The following RFX6 variants were observed in gnomAD, a reference collection of about 807,000 sequenced individuals.
RFX6 encodes regulatory factor X6, also known as DNA-binding protein RFX6.
RFX6 carries 50 observed loss-of-function variants against 110.8 expected under a neutral mutation model. That is an observed-to-expected ratio of 0.45 (90% CI 0.36 to 0.57). The LOEUF (loss-of-function observed/expected upper bound fraction) is 0.57. Among genes scored for constraint, RFX6 ranks in the 20% least tolerant of loss-of-function variants. The pLI, the probability that RFX6 is intolerant of heterozygous loss-of-function variation, is 0.00. For synonymous variants in RFX6, 383 were observed against 411.2 expected (o/e 0.93, Z 0.83); for missense variants, 990 against 1,127.0 (o/e 0.88, Z 1.74).
At chr6:116,899,991 A>C (rs1158611003) in intron 6 of RFX6, among the ~76,000 whole-genome samples, 1 of 152,242 alleles carries the variant, frequency 6.6e-6, no homozygotes, top group Non-Finnish European at 1.5e-5. Context: ...ATGCGAATAG[A>C]TGATTCACAG....
At position 116,924,670 on chromosome 6, in the gene RFX6, T is replaced by C. The variant is rs992920433; in HGVS notation, c.1557T>C (p.Gly519=). Residue 519 remains glycine (G), a splice_region_variant and synonymous_variant, in exon 15 of 19, where the codon GGT becomes GGC. Coordinates refer to ENST00000332958, the MANE Select transcript of RFX6 (RefSeq NM_173560.4). ...NLTLNNASSF[G]SFHLIRMLLD... ...CCTCATTCTCCATCCATAAACAAGG[T>C]TCTTTTCATTTGATTCGAATGCTTC... The C allele has an allele frequency of 6.2e-7, 1 of 1,610,468 alleles. No homozygotes were observed. Among genetic ancestry groups the C allele is most frequent in the African/African-American group, 1.3e-5 (1 of 74,820 alleles).
intron 18 of RFX6, among the ~76,000 whole-genome samples, chr6:116,930,143 A>C (rs1775852743): frequency 6.6e-6 from 1 of 152,226 alleles, no homozygotes; most frequent in African/African-American, 2.4e-5. Flanking sequence ...GGTGGAGTCT[A>C]AGCTTTAGTT....
chr6:116,894,201 A>G (rs1199186241), intron 5 of RFX6, 137 bp downstream of exon 5: 6 of 672,838 alleles, frequency 8.9e-6, no homozygotes, highest in East Asian at 8.3e-5. Flanking sequence ...TCCGCTTTGT[A>G]TGGATGATTA....
chr6:116,885,400 T>G (rs1007682110), intron 4 of RFX6, among the ~76,000 whole-genome samples: 2 of 152,110 alleles, frequency 1.3e-5, no homozygotes, highest in African/African-American at 4.8e-5. Flanking sequence ...TGCACTACAA[T>G]TAGAAGTTAT....
intron 4 of RFX6, among the ~76,000 whole-genome samples, chr6:116,884,442 GAATA>G (rs776502926): frequency 6.6e-6 from 1 of 152,102 alleles, no homozygotes; most frequent in Non-Finnish European, 1.5e-5. Context: ...GGCCTGGAAA[GAATA>G]AATAAAGTGC....
Position 116,925,468 on chromosome 6 carries a change from C to T in RFX6, c.1694C>T (p.Ala565Val), listed in dbSNP as rs779982124. 12 of 1,613,748 alleles carry T rather than the reference C, an allele frequency of 7.4e-6. No homozygotes were observed. The Admixed American group carries it at 1.3e-4, about 18-fold the overall frequency. Residue 565 changes from alanine to valine, a missense_variant, in exon 16 of 19, where the codon GCT (alanine) becomes GTT (valine). Ala to Val is a moderately conservative substitution (Grantham distance 64). Coordinates refer to ENST00000332958, the MANE Select transcript of RFX6 (RefSeq NM_173560.4). Reference protein sequence around the residue: ...YMKNSDASKAAFTASPSSCFL... With the variant: ...YMKNSDASKAVFTASPSSCFL... ...CTCTTTCCAGATGCGAGTAAAGCTGCTTTCACTGCTTCTCCGAGTTCATGC... is the reference window on the plus strand; with the variant it reads ...CTCTTTCCAGATGCGAGTAAAGCTGTTTTCACTGCTTCTCCGAGTTCATGC...
At chr6:116,910,741 T>G (rs1775331457) in intron 6 of RFX6, among the ~76,000 whole-genome samples, 194 bp from the exon 7 acceptor site, 1 of 152,166 alleles carries the variant, frequency 6.6e-6, no homozygotes, top group Admixed American at 6.5e-5. Flanking sequence ...CTATTGAAGG[T>G]TTGAAAACCA....
At position 116,925,593 on chromosome 6, in the gene RFX6, C is replaced by T. The variant is rs2114702313; in HGVS notation, c.1819C>T (p.Pro607Ser). 1 of 1,614,072 alleles carries T rather than the reference C, an allele frequency of 6.2e-7. No individual in the cohort carries two copies. Among genetic ancestry groups the T allele is most frequent in the Non-Finnish European group, 8.5e-7 (1 of 1,179,906 alleles). Residue 607 changes from proline to serine, a missense_variant, in exon 16 of 19, where the codon CCT (proline) becomes TCT (serine). Physicochemically the swap from Pro to Ser is moderately conservative, Grantham distance 74 (BLOSUM62 -1). This residue lies in a region of RFX6 where 438 missense variants were observed against 441.9 expected (regional missense o/e 0.99). Transcript: ENST00000332958. The stretch of plus-strand genomic sequence containing the variant: ...CTATCTCCCTCTGCCATCCAGTCAA[C>T]CTGGAGGCCTAGGCCCTGCTCTGCA... ...TTYLPLPSSQ[P>S]GGLGPALHQF... is the part of the protein sequence containing the mutation.
At chr6:116,899,828 T>C (rs2114677779) in intron 6 of RFX6, among the ~76,000 whole-genome samples, 1 of 152,228 alleles carries the variant, frequency 6.6e-6, no homozygotes, top group South Asian at 2.1e-4. Flanking sequence ...ACACACACAT[T>C]GGAAACTTCT....
At position 116,877,336 on chromosome 6, in the gene RFX6, T is replaced by C; in HGVS notation, c.61T>C (p.Ser21Pro). ...FLQAQPAPQL[S>P]PGIQEDCCVQ... ...GCAGGCGCAGCCTGCGCCCCAACTG[T>C]CCCCGGGGATCCAGGAAGACTGCTG... is the stretch of plus-strand genomic sequence containing the variant. Residue 21 changes from serine (S) to proline (P), a missense_variant, in exon 1 of 19, where the codon TCC becomes CCC. Physicochemically the swap from Ser to Pro is moderately conservative, Grantham distance 74 (BLOSUM62 -1). This residue lies in a region of RFX6 where 175 missense variants were observed against 162.3 expected (regional missense o/e 1.08). Coordinates refer to ENST00000332958, the MANE Select transcript of RFX6 (RefSeq NM_173560.4). 1 of 1,612,818 alleles carries C rather than the reference T, an allele frequency of 6.2e-7. No homozygotes were observed.
In RFX6 at chr6:116,928,080, T is replaced by TAA. The variant is rs34807787; in HGVS notation, c.2398+554_2398+555dup. The stretch of plus-strand genomic sequence containing the variant: ...CTGTCCTCCTAAATACCGCATATGT[T>TAA]AAAAAAAAAAAAAAGATAGTTAAAT... On this transcript the variant is annotated intron_variant, in intron 17 of 18. Transcript: ENST00000332958. 6.6e-3 allele frequency among the ~76,000 whole-genome samples: 956 copies of TAA among 143,914 alleles called. 8 individuals are homozygous for TAA. The highest frequency in any genetic ancestry group is 0.018 in the African/African-American group (719 of 38,964). The allele number at this position is 143,914 out of a possible 152,430, so 94.4% of individuals were successfully genotyped here.
chr6:116,917,057 C>T (rs967779278), intron 9 of RFX6, among the ~76,000 whole-genome samples: 1 of 152,122 alleles, frequency 6.6e-6, no homozygotes, highest in Non-Finnish European at 1.5e-5. Context: ...CGCTGTTAAA[C>T]ATTTAGGAAA....
intron 4 of RFX6, among the ~76,000 whole-genome samples, chr6:116,887,371 C>A (rs1181140588): frequency 1.3e-5 from 2 of 152,172 alleles, no homozygotes; most frequent in African/African-American, 4.8e-5. Flanking sequence ...AGCTCTCTAT[C>A]CAGTTCCTTC....
In RFX6 at chr6:116,912,722, C is replaced by A. The variant is rs148646878; in HGVS notation, c.780+1680C>A. On this transcript the variant is annotated intron_variant, in intron 7 of 18. Transcript: ENST00000332958. ...GAGAGAGAGAGGGGGACCAAAAAGG[C>A]AAGCAACAAAGAAGAAAGGAGAGGT... Among the ~76,000 whole-genome samples the A allele has an allele frequency of 2.0e-3, 311 of 152,136 alleles. 1 individual carries two copies. Among genetic ancestry groups the A allele is most frequent in the African/African-American group, 7.1e-3 (296 of 41,518 alleles).
chr6:116,890,165 T>C (rs895645868), intron 4 of RFX6, among the ~76,000 whole-genome samples: 9 of 152,054 alleles, frequency 5.9e-5, no homozygotes. Flanking sequence ...GGCAATATGG[T>C]TTGTGGAATC....
At position 116,927,419 on chromosome 6, in the gene RFX6, T is replaced by G. The variant is rs746471812; in HGVS notation, c.2278T>G (p.Ser760Ala). The G allele has an allele frequency of 6.2e-7, 1 of 1,614,110 alleles. No homozygotes were observed. The highest frequency in any genetic ancestry group is 1.1e-5 in the South Asian group (1 of 91,078). The change falls in exon 17 of 19, where the codon TCC becomes GCC. Residue 760 changes from serine to alanine, a missense_variant. Transcript: ENST00000332958. ...NSRPPSSYGP[S>A]LQAQDSHNMQ... is the part of the protein sequence containing the mutation. Reference sequence around the variant, plus strand: ...CCGGCCACCGTCTAGCTATGGCCCATCCCTGCAAGCCCAGGATTCACACAA... The same window carrying G: ...CCGGCCACCGTCTAGCTATGGCCCAGCCCTGCAAGCCCAGGATTCACACAA...
chr6:116,920,280 T>C, intron 11 of RFX6, 30 bp from the exon 12 acceptor site: 1 of 1,571,760 alleles, frequency 6.4e-7, no homozygotes, highest in Non-Finnish European at 8.8e-7. Flanking sequence ...AATGATATAG[T>C]GTAGTGTCTT....
chr6:116,894,018 A>G lies in RFX6; in HGVS notation c.598A>G (p.Ser200Gly). The G allele has an allele frequency of 1.2e-6, 2 of 1,604,142 alleles. No homozygotes were observed. The highest frequency in any genetic ancestry group is 1.7e-6 in the Non-Finnish European group (2 of 1,171,054). The change falls in exon 5 of 19, where the codon AGC (serine) becomes GGC (glycine). Residue 200 changes from serine to glycine, a missense_variant. Ser to Gly is a moderately conservative substitution (Grantham distance 56). This residue lies in a region of RFX6 where 243 missense variants were observed against 353.1 expected (regional missense o/e 0.69). Coordinates refer to ENST00000332958, the MANE Select transcript of RFX6 (RefSeq NM_173560.4). ...YHYYGIGIKE[S>G]SAYYHSVYSG... ...TTACTATGGGATTGGCATCAAAGAG[A>G]GCAGTGCATATTACCACTCCGTTTA...
intron 6 of RFX6, among the ~76,000 whole-genome samples, chr6:116,901,540 C>T (rs542307689): frequency 6.6e-6 from 1 of 152,200 alleles, no homozygotes; most frequent in Non-Finnish European, 1.5e-5. Flanking sequence ...TATGAAGAGG[C>T]AATTAATTCA....
Sources: allele counts gnomAD v4.1 joint callset (sites outside exome capture counted in the v4.1 genomes callset), GRCh38; gene constraint gnomAD v4.1.1; regional missense constraint gnomAD v4.1.1; transcripts MANE v1.5; gene names NCBI Gene and HGNC (gene_info 2026-07-23, HGNC 2026-07-21).